PDE3B: variants seen among roughly 807,000 people sequenced by gnomAD.
The protein encoded by PDE3B is cGMP-inhibited 3',5'-cyclic phosphodiesterase 3B.
PDE3B carries 66 observed loss-of-function variants against 116.8 expected under a neutral mutation model. The observed-to-expected ratio is 0.56, with a 90% CI of 0.46 to 0.69. PDE3B has a LOEUF of 0.69. Among genes scored for constraint, PDE3B ranks in the 30% least tolerant of loss-of-function variants. PDE3B has a pLI of 0.00. For missense variants in PDE3B, 1,384 were observed against 1,368.1 expected (o/e 1.01, Z -0.18); for synonymous variants, 595 against 533.6 (o/e 1.12, Z -1.59).
chr11:14,730,430 G>T (rs1032262407), intron 1 of PDE3B, among the ~76,000 whole-genome samples: 1 of 152,170 alleles, frequency 6.6e-6, no homozygotes, highest in Non-Finnish European at 1.5e-5. Flanking sequence ...ACATTTCCTT[G>T]TGATAGCATC....
At chr11:14,790,120 A>G (rs1196702834) in intron 4 of PDE3B, among the ~76,000 whole-genome samples, 1 of 152,018 alleles carries the variant, frequency 6.6e-6, no homozygotes, top group Non-Finnish European at 1.5e-5. Flanking sequence ...GTTTATGTTA[A>G]CAGATAATTA....
chr11:14,867,923 A>G (rs1848077707), intron 15 of PDE3B, among the ~76,000 whole-genome samples, 165 bp downstream of exon 15: 1 of 152,188 alleles, frequency 6.6e-6, no homozygotes, highest in Non-Finnish European at 1.5e-5. Flanking sequence ...TTTTTCAATT[A>G]GGGGTGCTAA....
the PDE3B span, among the ~76,000 whole-genome samples, chr11:14,895,044 C>T: frequency 1.3e-5 from 2 of 152,248 alleles, no homozygotes; most frequent in Admixed American, 6.5e-5. Flanking sequence ...GAATCAGAGC[C>T]TCTTTCTGGG....
the PDE3B span, among the ~76,000 whole-genome samples, chr11:14,881,429 C>G: frequency 6.6e-6 from 1 of 152,092 alleles, no homozygotes; most frequent in Non-Finnish European, 1.5e-5. Context: ...GAAATTTTCT[C>G]CCTTAAATTA....
chr11:14,676,805 C>T (rs539025782), intron 1 of PDE3B, among the ~76,000 whole-genome samples: 1 of 152,220 alleles, frequency 6.6e-6, no homozygotes, highest in South Asian at 2.1e-4. Flanking sequence ...TTCCAAATGT[C>T]TTTGGATAAG....
rs1240655685 is a variant in PDE3B, at chr11:14,757,260, C to T, written c.979-14677C>T. Among the ~76,000 whole-genome samples, 80 of 150,616 alleles carry T rather than the reference C, an allele frequency of 5.3e-4. 1 individual carries two copies. The highest frequency in any genetic ancestry group is 1.9e-3 in the African/African-American group (79 of 41,078). On this transcript the variant is annotated intron_variant, in intron 1 of 15. Coordinates refer to ENST00000282096, the MANE Select transcript of PDE3B (RefSeq NM_000922.4). Reference sequence around the variant, plus strand: ...CTATTGTGAATAATGCCGCAATAAACATACGTGTGCATGTGTCTTTATAGC... The same window carrying T: ...CTATTGTGAATAATGCCGCAATAAATATACGTGTGCATGTGTCTTTATAGC...
intron 7 of PDE3B, among the ~76,000 whole-genome samples, chr11:14,829,163 G>T (rs1037886005): frequency 6.6e-6 from 1 of 152,094 alleles, no homozygotes; most frequent in African/African-American, 2.4e-5. Context: ...GAGGGTGGAG[G>T]GTGGGCGGAG....
At chr11:14,831,862 T>A (rs1859894446) in intron 9 of PDE3B, 85 bp downstream of exon 9, 1 of 842,002 alleles carries the variant, frequency 1.2e-6, no homozygotes, top group Non-Finnish European at 1.9e-6. Context: ...TGTAATGGTT[T>A]AAGCACTAGT....
At chr11:14,878,178 T>G in the PDE3B span, 1 of 1,613,214 alleles carries the variant, frequency 6.2e-7, no homozygotes, top group Non-Finnish European at 8.5e-7. Context: ...ATGCCTAACC[T>G]GGGCTTCAGA....
chr11:14,741,444 T>A (rs545228715), intron 1 of PDE3B, among the ~76,000 whole-genome samples: 1 of 152,246 alleles, frequency 6.6e-6, no homozygotes, highest in African/African-American at 2.4e-5. Flanking sequence ...TCCATTTGCT[T>A]GGTAAATATT....
intron 5 of PDE3B, among the ~76,000 whole-genome samples, chr11:14,811,710 G>A (rs1055127862): frequency 6.6e-6 from 1 of 151,866 alleles, no homozygotes; most frequent in African/African-American, 2.4e-5. Context: ...GGATGGCATT[G>A]AATCTGTAAA....
At chr11:14,768,094 A>AT (rs1857546001) in intron 1 of PDE3B, among the ~76,000 whole-genome samples, 1 of 151,012 alleles carries the variant, frequency 6.6e-6, no homozygotes, top group Non-Finnish European at 1.5e-5. Context: ...TTATTCCCAC[A>AT]TTTTTTTCTG....
At chr11:14,850,090 A>G (rs908144834) in intron 12 of PDE3B, among the ~76,000 whole-genome samples, 15 of 152,324 alleles carry the variant, frequency 9.8e-5, no homozygotes, top group Admixed American at 4.6e-4. Context: ...AACCGACCCA[A>G]ATGTCCAACA....
rs374915660 is a variant in PDE3B at position 14,786,659 on chromosome 11, G to C, written c.1252G>C (p.Glu418Gln). Reference protein sequence around the residue: ...YPCSEIEDPAEKGDRKLNKGL... With the variant: ...YPCSEIEDPAQKGDRKLNKGL... ...CTGTTCTGAAATAGAGGACCCAGCT[G>C]AGAAAGGGGATAGAAAACTTAACAA... Residue 418 changes from glutamate to glutamine, a missense_variant, in exon 3 of 16, where the codon GAG (glutamate) becomes CAG (glutamine). Glu to Gln is a conservative substitution (Grantham distance 29). Transcript: ENST00000282096. The C allele has an allele frequency of 6.2e-7, 1 of 1,611,502 alleles. No homozygotes were observed. The highest frequency in any genetic ancestry group is 1.3e-5 in the African/African-American group (1 of 74,814).
chr11:14,695,325 C>T (rs1855171859), intron 1 of PDE3B, among the ~76,000 whole-genome samples: 2 of 151,924 alleles, frequency 1.3e-5, no homozygotes, highest in Admixed American at 6.6e-5. Context: ...TTTGAATGGA[C>T]CACAATTTAT....
chr11:14,710,013 G>A (rs1855654928), intron 1 of PDE3B, among the ~76,000 whole-genome samples: 1 of 152,142 alleles, frequency 6.6e-6, no homozygotes, highest in Non-Finnish European at 1.5e-5. Context: ...TAAGTCATTT[G>A]TCTTGGGGAA....
intron 1 of PDE3B, among the ~76,000 whole-genome samples, chr11:14,769,672 TATA>T (rs1223849359): frequency 1.4e-5 from 2 of 147,680 alleles, no homozygotes; most frequent in Non-Finnish European, 3.0e-5. Flanking sequence ...TATATATACA[TATA>T]TTATATATAT....
Position 14,843,836 on chromosome 11 carries a change from G to A in PDE3B, c.2330G>A (p.Gly777Asp). The A allele has an allele frequency of 6.2e-7, 1 of 1,613,012 alleles. No individual in the cohort carries two copies. The highest frequency in any genetic ancestry group is 8.5e-7 in the Non-Finnish European group (1 of 1,179,032). ...CGTGNETDSD[G>D]RINHGRIAYI... ...ATTTATTGTTTCTCAGATTCTGATGGTAGAATTAACCATGGGCGAATTGCT... is the reference window on the plus strand; with the variant it reads ...ATTTATTGTTTCTCAGATTCTGATGATAGAATTAACCATGGGCGAATTGCT... The change falls in exon 12 of 16, where the codon GGT becomes GAT. Residue 777 changes from glycine to aspartate, a missense_variant. Physicochemically the swap from Gly to Asp is moderately conservative, Grantham distance 94 (BLOSUM62 -1). Around this residue, in one of 2 missense-constraint regions of PDE3B, gnomAD observed 428 missense variants for 561.4 expected, o/e 0.76. Coordinates refer to ENST00000282096, the MANE Select transcript of PDE3B (RefSeq NM_000922.4).
At chr11:14,765,617 AAAT>A (rs1857477101) in intron 1 of PDE3B, among the ~76,000 whole-genome samples, 3 of 151,838 alleles carry the variant, frequency 2.0e-5, no homozygotes, top group South Asian at 2.1e-4. Flanking sequence ...GTATGAAAAG[AAAT>A]AATAATTTCT....
Sources: gnomAD v4.1 joint callset for allele counts (sites outside exome capture counted in the v4.1 genomes callset) on GRCh38, gnomAD v4.1.1 for gene constraint, gnomAD v4.1.1 regional missense constraint, MANE v1.5 for transcripts, NCBI Gene and HGNC (gene_info 2026-07-23, HGNC 2026-07-21) for gene names.